Variants in DDHD1 observed in about 807,000 individuals in gnomAD.
DDHD1 encodes the protein phospholipase DDHD1.
A neutral mutation model predicts 96.4 loss-of-function variants in DDHD1; 49 were observed. The ratio of observed to expected loss-of-function variants is 0.51; its 90% CI spans 0.40 to 0.64. The LOEUF is 0.64. DDHD1 is among the 30% of genes least tolerant of loss of function. The probability of loss-of-function intolerance (pLI) is 0.00; values close to 1 mark genes in which losing one functional copy is unlikely to be tolerated. For missense variants in DDHD1, 1,106 were observed against 1,161.2 expected, an observed-to-expected ratio of 0.95 and a Z score of 0.69; for synonymous variants, 442 against 446.5, an observed-to-expected ratio of 0.99 and a Z score of 0.13.
intron 1 of DDHD1, among the ~76,000 whole-genome samples, chr14:53,129,586 C>A (rs1403638906): frequency 1.3e-5 from 2 of 152,170 alleles, no homozygotes; most frequent in African/African-American, 2.4e-5. Context: ...TGAACCTTCA[C>A]GTTGGTGGCA....
At chr14:53,138,735 T>C (rs1890422062) in intron 1 of DDHD1, among the ~76,000 whole-genome samples, 2 of 152,132 alleles carry the variant, frequency 1.3e-5, no homozygotes, top group East Asian at 3.9e-4. Context: ...GTTTCAACAA[T>C]TTGCTAAAGG....
intron 6 of DDHD1, among the ~76,000 whole-genome samples, chr14:53,071,299 C>T (rs193105212): frequency 2.8e-3 from 424 of 151,962 alleles, no homozygotes; most frequent in African/African-American, 9.7e-3. Flanking sequence ...GATTATGAGG[C>T]AATGTGGAAA....
chr14:53,110,427 G>A (rs1213613109), intron 1 of DDHD1, among the ~76,000 whole-genome samples: 2 of 152,154 alleles, frequency 1.3e-5, no homozygotes, highest in Non-Finnish European at 2.9e-5. Flanking sequence ...GTGTTGTGCT[G>A]GTTCTTACTT....
chr14:53,083,099 T>C (rs1362324549), intron 4 of DDHD1, among the ~76,000 whole-genome samples: 1 of 152,214 alleles, frequency 6.6e-6, no homozygotes, highest in African/African-American at 2.4e-5. Flanking sequence ...ACTACATGTA[T>C]GTCCTGTTCA....
At chr14:53,129,295 A>C (rs1889688652) in intron 1 of DDHD1, among the ~76,000 whole-genome samples, 1 of 152,206 alleles carries the variant, frequency 6.6e-6, no homozygotes. Flanking sequence ...AGCCCAAGGA[A>C]CATCTCACCA....
At chr14:53,070,721 C>T (rs1595119610) in intron 6 of DDHD1, among the ~76,000 whole-genome samples, 3 of 152,176 alleles carry the variant, frequency 2.0e-5, no homozygotes, top group South Asian at 4.1e-4. Flanking sequence ...TAAGTTAATA[C>T]ATACAAAATA....
Position 53,051,927 on chromosome 14 carries a change from T to C in DDHD1, c.2438A>G (p.Tyr813Cys). Reference sequence around the variant, plus strand: ...AAAGAACGATTCTTGAAGTCTGAAATCTGTGAAAAAAAAACACAAGATGCT... The same window carrying C: ...AAAGAACGATTCTTGAAGTCTGAAACCTGTGAAAAAAAAACACAAGATGCT... ...HSSSGFLDSA[Y>C]FRLQESFFNL... Residue 813 changes from tyrosine to cysteine, a missense_variant and splice_region_variant, in exon 12 of 13, where the codon TAT becomes TGT. Physicochemically the swap from Tyr to Cys is radical, Grantham distance 194 (BLOSUM62 -2). Transcript: ENST00000673822. 1 of 1,578,348 alleles carries C rather than the reference T, an allele frequency of 6.3e-7. No homozygotes were observed. Among genetic ancestry groups the C allele is most frequent in the Non-Finnish European group, 8.6e-7 (1 of 1,160,638 alleles).
intron 1 of DDHD1, among the ~76,000 whole-genome samples, chr14:53,139,852 A>C (rs997472356): frequency 6.8e-4 from 103 of 152,120 alleles, no homozygotes; most frequent in African/African-American, 2.4e-3. Flanking sequence ...ACAAAAAAAA[A>C]AAAAAAAAAT....
At chr14:53,151,586 T>C (rs1891373119) in intron 1 of DDHD1, among the ~76,000 whole-genome samples, 1 of 152,198 alleles carries the variant, frequency 6.6e-6, no homozygotes, top group Non-Finnish European at 1.5e-5. Context: ...TTTCTCCCCT[T>C]TTACAAATGA....
At chr14:53,047,874 G>A (rs747441195) in intron 12 of DDHD1, among the ~76,000 whole-genome samples, 30 of 152,242 alleles carry the variant, frequency 2.0e-4, no homozygotes, top group South Asian at 6.2e-4. Flanking sequence ...TTAATGAGCC[G>A]TACAGTGTTC....
chr14:53,083,840 T>A (rs1021445816), intron 4 of DDHD1, among the ~76,000 whole-genome samples: 1 of 152,260 alleles, frequency 6.6e-6, no homozygotes. Flanking sequence ...TACTAAGTTA[T>A]GTGTAGAATT....
At chr14:53,103,180 A>C in intron 2 of DDHD1, 6 of 818,642 alleles carry the variant, frequency 7.3e-6, no homozygotes, top group Non-Finnish European at 1.1e-5. Flanking sequence ...TGTTACAAAA[A>C]TATGCAAGTG....
At chr14:53,067,699 C>T (rs1431068856) in intron 6 of DDHD1, among the ~76,000 whole-genome samples, 1 of 151,908 alleles carries the variant, frequency 6.6e-6, no homozygotes, top group Admixed American at 6.6e-5. Flanking sequence ...TCAGGTGATC[C>T]ACCCGCCTTG....
chr14:53,121,651 C>A (rs1888998193), intron 1 of DDHD1, among the ~76,000 whole-genome samples: 1 of 152,172 alleles, frequency 6.6e-6, no homozygotes, highest in Non-Finnish European at 1.5e-5. Context: ...TGGAAGCCAT[C>A]ATTCTCAGCA....
intron 4 of DDHD1, among the ~76,000 whole-genome samples, chr14:53,091,021 C>T (rs968098833): frequency 1.1e-4 from 17 of 152,124 alleles, no homozygotes; most frequent in Non-Finnish European, 2.1e-4. Context: ...ACACTGTTTG[C>T]TTTATAAGGA....
rs565272263 is a variant in DDHD1, at chr14:53,065,449, G to T, written c.1504-2244C>A. 2.0e-5 allele frequency among the ~76,000 whole-genome samples: 3 copies of T among 152,278 alleles called. No individual in the cohort carries two copies. In the South Asian group the frequency reaches 6.2e-4, roughly 32 times the overall value. ...GTTCAGATTTACACAAGATGTACAG[G>T]TCTCTCTGGATTTCTTGTGTTACTT... On this transcript the variant is annotated intron_variant, in intron 6 of 12. Transcript: ENST00000673822.
intron 4 of DDHD1, among the ~76,000 whole-genome samples, chr14:53,082,590 C>T (rs1054712740): frequency 6.6e-6 from 1 of 151,488 alleles, no homozygotes; most frequent in Admixed American, 6.6e-5. Context: ...GAAGCCCTGT[C>T]TCTACTAAAA....
chr14:53,047,005 T>C (rs1882065029), intron 12 of DDHD1, 56 bp from the exon 13 acceptor site: 8 of 1,367,092 alleles, frequency 5.9e-6, no homozygotes, highest in African/African-American at 4.5e-5. Context: ...ATATGTTCTA[T>C]ATAGACTTAC....
chr14:53,129,414 TAG>T (rs1274321359), intron 1 of DDHD1, among the ~76,000 whole-genome samples: 1 of 152,220 alleles, frequency 6.6e-6, no homozygotes, highest in African/African-American at 2.4e-5. Flanking sequence ...CCCTTTCTGG[TAG>T]AGACAGAGGA....
Sources: gnomAD v4.1 joint callset for allele counts (sites outside exome capture counted in the v4.1 genomes callset) on GRCh38, gnomAD v4.1.1 for gene constraint, MANE v1.5 for transcripts, NCBI Gene and HGNC (gene_info 2026-07-23, HGNC 2026-07-21) for gene names.